The following CIROP variants were observed in gnomAD, a reference collection of about 807,000 sequenced individuals.
CIROP encodes the protein ciliated left-right organizer metallopeptidase, also known as leishmanolysin homolog.
At chr14:23,099,140 T>C in the CIROP span, 8 of 410,888 alleles carry the variant, frequency 1.9e-5, no homozygotes, top group Non-Finnish European at 3.1e-5. Flanking sequence ...CCTTTTTTCA[T>C]TGCCAGGCTA....
the CIROP span, chr14:23,099,792 A>G: frequency 4.6e-6 from 1 of 217,902 alleles, no homozygotes; most frequent in East Asian, 1.0e-4. Flanking sequence ...ATTAAGCTAA[A>G]CAGGAAATCA....
chr14:23,104,172 T>C, the CIROP span: 1 of 599,692 alleles, frequency 1.7e-6, no homozygotes, highest in African/African-American at 1.9e-5. Context: ...TTCCTCTCTT[T>C]ACTATCTCTC....
chr14:23,102,906 A>C, the CIROP span: 1 of 607,034 alleles, frequency 1.6e-6, no homozygotes, highest in African/African-American at 1.9e-5. Context: ...GCTTCTCCCT[A>C]TTCATCATGC....
the CIROP span, chr14:23,103,466 A>G: frequency 2.0e-6 from 1 of 510,474 alleles, no homozygotes; most frequent in Non-Finnish European, 3.5e-6. Flanking sequence ...AGATGGGAGG[A>G]TCACCTGAGC....
At chr14:23,101,554 C>A in the CIROP span, 1 of 667,692 alleles carries the variant, frequency 1.5e-6, no homozygotes, top group Non-Finnish European at 2.7e-6. Context: ...TTCCTTCTTC[C>A]AGCATTCACT....
At chr14:23,100,725 C>T in the CIROP span, 3 of 398,834 alleles carry the variant, frequency 7.5e-6, no homozygotes, top group Non-Finnish European at 1.3e-5. Flanking sequence ...TAGTTCCTGG[C>T]AGAGTATATC....
At chr14:23,100,585 C>T in the CIROP span, 2 of 403,936 alleles carry the variant, frequency 5.0e-6, no homozygotes. Flanking sequence ...GGGCCTTGTG[C>T]AGTGTAGCAA....
chr14:23,103,712 T>C, the CIROP span: 1 of 703,026 alleles, frequency 1.4e-6, no homozygotes, highest in Non-Finnish European at 2.6e-6. Context: ...AACTCGCACA[T>C]ACAGGAGAAA....
At chr14:23,103,631 A>T in the CIROP span, 2 of 691,320 alleles carry the variant, frequency 2.9e-6, no homozygotes, top group East Asian at 2.7e-5. Context: ...GAGATTTAAG[A>T]TTGAGAGAGA....
chr14:23,101,274 T>C, the CIROP span: 1 of 464,396 alleles, frequency 2.2e-6, no homozygotes, highest in Non-Finnish European at 3.8e-6. Context: ...CTGCAACTAC[T>C]ACTCTTATGG....
chr14:23,102,162 G>T, the CIROP span: 17 of 702,942 alleles, frequency 2.4e-5, 1 homozygote, highest in South Asian at 2.5e-4. Context: ...TGAAGGCAGC[G>T]AGGGTGATTG....
chr14:23,103,514 G>A, the CIROP span: 12 of 578,842 alleles, frequency 2.1e-5, no homozygotes, highest in South Asian at 6.3e-5. Context: ...TGATTGGGCC[G>A]CTGTACTCCA....
At chr14:23,104,849 T>G in the CIROP span, 1 of 702,206 alleles carries the variant, frequency 1.4e-6, no homozygotes, top group Non-Finnish European at 2.6e-6. Flanking sequence ...TCTCATCATG[T>G]AGACATCGGC....
chr14:23,099,557 CTT>C, the CIROP span: 9,364 of 301,998 alleles, frequency 0.031, no homozygotes, highest in Middle Eastern at 0.046. Flanking sequence ...GCGGCATTAC[CTT>C]TTTTTTTTTT....
chr14:23,102,585 CT>C, the CIROP span: 91 of 702,676 alleles, frequency 1.3e-4, no homozygotes, highest in Non-Finnish European at 3.4e-5. Flanking sequence ...TGAATTTCCT[CT>C]GGTTGATGGT....
At chr14:23,099,976 AAGGGGGCTGGGAGTGGTGGC>A in the CIROP span, 1 of 167,444 alleles carries the variant, frequency 6.0e-6, no homozygotes, top group Non-Finnish European at 1.5e-5. Flanking sequence ...TTAAGAAAGG[AAGGGGGCTGGGAGTGGTGGC>A]AGTGGCTCCC....
the CIROP span, chr14:23,100,069 CA>C: frequency 6.2e-6 from 1 of 160,924 alleles, no homozygotes; most frequent in Non-Finnish European, 1.4e-5. Context: ...CAAGCCTGGG[CA>C]ACATGGTGAA....
At chr14:23,103,825 G>C in the CIROP span, 1 of 701,834 alleles carries the variant, frequency 1.4e-6, no homozygotes, top group East Asian at 2.7e-5. Context: ...GAATCTGGCA[G>C]GGAGTGAAAT....
chr14:23,102,225 C>G, the CIROP span: 14 of 702,988 alleles, frequency 2.0e-5, 1 homozygote, highest in South Asian at 1.5e-4. Context: ...TTAAAGAACC[C>G]TGGAGTAGTC....
Sources: gnomAD v4.1 joint callset for allele counts on GRCh38, gnomAD v4.1.1 for gene constraint, MANE v1.5 for transcripts, NCBI Gene and HGNC (gene_info 2026-07-23, HGNC 2026-07-21) for gene names.